Variants in STK24 observed in about 807,000 individuals in gnomAD.
STK24 encodes the protein serine/threonine-protein kinase 24.
Under a neutral mutation model 55.6 loss-of-function variants are expected in STK24, and 21 were observed. That is an observed-to-expected ratio of 0.38 (90% CI 0.27 to 0.54). The LOEUF (loss-of-function observed/expected upper bound fraction) is 0.54. Among genes scored for constraint, STK24 ranks in the 20% least tolerant of loss-of-function variants. The pLI is 0.79. For synonymous variants in STK24, 200 were observed against 215.2 expected, an observed-to-expected ratio of 0.93 and a Z score of 0.62; for missense variants, 383 against 538.4, an observed-to-expected ratio of 0.71 and a Z score of 2.86.
chr13:98,456,305 A>G, intron 10 of STK24: 3 of 359,518 alleles, frequency 8.3e-6, no homozygotes, highest in Non-Finnish European at 1.7e-5. Context: ...GGTGGGACGC[A>G]GTCTCAGGAA....
intron 1 of STK24, among the ~76,000 whole-genome samples, chr13:98,559,626 C>T (rs1429367265): frequency 1.3e-5 from 2 of 152,108 alleles, no homozygotes; most frequent in Admixed American, 6.5e-5. Flanking sequence ...TACCATTTTT[C>T]GTAAAATAGC....
intron 1 of STK24, among the ~76,000 whole-genome samples, chr13:98,563,861 A>G (rs1377005409): frequency 6.9e-6 from 1 of 144,432 alleles, no homozygotes. Flanking sequence ...CTCCGTCTCA[A>G]AAAAAAAAAA....
chr13:98,518,218 G>A (rs1251487863), intron 2 of STK24, among the ~76,000 whole-genome samples: 1 of 152,192 alleles, frequency 6.6e-6, no homozygotes, highest in Non-Finnish European at 1.5e-5. Context: ...ATCCATTTTA[G>A]TTAATCAATG....
At chr13:98,552,561 G>C (rs367609122) in intron 1 of STK24, among the ~76,000 whole-genome samples, 4 of 152,162 alleles carry the variant, frequency 2.6e-5, no homozygotes, top group Admixed American at 6.5e-5. Flanking sequence ...ACCTGGCCTC[G>C]AAGTGAATTG....
intron 2 of STK24, among the ~76,000 whole-genome samples, chr13:98,505,610 C>G (rs1479314919): frequency 2.0e-5 from 3 of 152,202 alleles, no homozygotes; most frequent in African/African-American, 7.2e-5. Flanking sequence ...CAAAAATAAT[C>G]AAAATTCTGT....
chr13:98,465,124 T>G (rs78181655), intron 6 of STK24, among the ~76,000 whole-genome samples: 1 of 152,200 alleles, frequency 6.6e-6, no homozygotes, highest in African/African-American at 2.4e-5. Flanking sequence ...GAAACCAGCA[T>G]GGCCCAAATG....
intron 2 of STK24, among the ~76,000 whole-genome samples, chr13:98,488,239 G>A (rs868144241): frequency 1.3e-5 from 2 of 149,308 alleles, no homozygotes; most frequent in Admixed American, 6.7e-5. Flanking sequence ...GGGAGAAGAC[G>A]GTCATCCACA....
chr13:98,550,986 C>T (rs902181579), intron 1 of STK24, among the ~76,000 whole-genome samples: 24 of 152,000 alleles, frequency 1.6e-4, no homozygotes, highest in African/African-American at 5.3e-4. Context: ...TTGTGACCAG[C>T]CTATAAAAAT....
intron 1 of STK24, among the ~76,000 whole-genome samples, chr13:98,535,394 TGTATACACACACACACAC>T (rs1896699213): frequency 9.6e-6 from 1 of 104,084 alleles, no homozygotes; most frequent in African/African-American, 3.8e-5. Flanking sequence ...TATATATGTG[TGTATACACACACACACAC>T]ACACACACAC....
At chr13:98,483,154 G>A (rs1894665526) in intron 2 of STK24, among the ~76,000 whole-genome samples, 1 of 152,236 alleles carries the variant, frequency 6.6e-6, no homozygotes, top group African/African-American at 2.4e-5. Context: ...CAGGGCACGG[G>A]GCAGCCTGGG....
intron 2 of STK24, among the ~76,000 whole-genome samples, chr13:98,518,650 G>C (rs2139380306): frequency 6.6e-6 from 1 of 152,296 alleles, no homozygotes; most frequent in South Asian, 2.1e-4. Flanking sequence ...TGCAGGATCA[G>C]AAAAACATTT....
intron 2 of STK24, among the ~76,000 whole-genome samples, chr13:98,510,867 A>G (rs1895856965): frequency 6.6e-6 from 1 of 152,186 alleles, no homozygotes; most frequent in Admixed American, 6.5e-5. Context: ...TGAATTGTAT[A>G]TTTTAAGTGG....
intron 6 of STK24, 50 bp downstream of exon 6, chr13:98,466,326 C>T (rs1893925138): frequency 6.3e-7 from 1 of 1,579,888 alleles, no homozygotes; most frequent in Admixed American, 1.8e-5. Context: ...GTATCTCAAC[C>T]AAGTCAAGCC....
At position 98,576,610 on chromosome 13, in the gene STK24, G is replaced by A. The variant is rs1594683764; in HGVS notation, c.42+135C>T. 8 of 659,812 alleles carry A rather than the reference G, an allele frequency of 1.2e-5. No individual in the cohort carries two copies. The South Asian group carries it at 1.9e-4, about 15-fold the overall frequency. The allele number at this position is 659,812 out of a possible 1,614,324, so 40.9% of individuals were successfully genotyped here. A position where few individuals can be genotyped will look rare whatever the true frequency, so the allele number is the denominator to read the frequency against. ...GGGACTCGGACTCGGACCCCCGGCC[G>A]AGCCGGGCGCGCGGGGAGCCAGGCT... is the stretch of plus-strand genomic sequence containing the variant. On this transcript the variant is annotated intron_variant, in intron 1 of 10. Coordinates refer to ENST00000539966, the MANE Select transcript of STK24 (RefSeq NM_001032296.4).
chr13:98,540,192 A>C (rs1053965070), intron 1 of STK24, among the ~76,000 whole-genome samples: 8 of 152,212 alleles, frequency 5.3e-5, no homozygotes, highest in Non-Finnish European at 5.9e-5. Flanking sequence ...TAGATGCAGA[A>C]TTGTCCAAGG....
chr13:98,543,014 T>C (rs1896930047), intron 1 of STK24: 6 of 985,122 alleles, frequency 6.1e-6, no homozygotes, highest in South Asian at 4.7e-5. Flanking sequence ...AGCGTGGACC[T>C]GGAAGGCCCA....
chr13:98,489,221 T>C (rs373730054), intron 2 of STK24, among the ~76,000 whole-genome samples: 48 of 152,316 alleles, frequency 3.2e-4, no homozygotes, highest in African/African-American at 1.1e-3. Context: ...TGAGGCCGTG[T>C]ACACAGCAAG....
chr13:98,526,903 G>A (rs921658445), intron 1 of STK24, among the ~76,000 whole-genome samples: 10 of 152,138 alleles, frequency 6.6e-5, no homozygotes, highest in African/African-American at 2.2e-4. Flanking sequence ...CCACAGGCGC[G>A]TTTTCATGAG....
chr13:98,536,991 T>C (rs572380557), intron 1 of STK24, among the ~76,000 whole-genome samples: 1 of 152,154 alleles, frequency 6.6e-6, no homozygotes, highest in African/African-American at 2.4e-5. Flanking sequence ...TCCCGGCTCA[T>C]CTCCTTACCT....
Sources: allele counts gnomAD v4.1 joint callset (sites outside exome capture counted in the v4.1 genomes callset), GRCh38; gene constraint gnomAD v4.1.1; transcripts MANE v1.5; gene names NCBI Gene and HGNC (gene_info 2026-07-23, HGNC 2026-07-21).